The following SPAG5 variants were observed in gnomAD, a reference collection of about 807,000 sequenced individuals.
SPAG5 encodes sperm-associated antigen 5.
SPAG5 carries 99 observed loss-of-function variants against 145.4 expected under a neutral mutation model. That is an observed-to-expected ratio of 0.68 (90% CI 0.58 to 0.80). The LOEUF (loss-of-function observed/expected upper bound fraction) is 0.80, where lower values mean the gene tolerates loss of function less well. Ranked by LOEUF, SPAG5 falls within the 30% of genes least tolerant of loss-of-function variation. SPAG5 has a pLI of 0.00. For missense variants in SPAG5, 1,192 were observed against 1,416.0 expected, an observed-to-expected ratio of 0.84 and a Z score of 2.54; for synonymous variants, 477 against 525.4, an observed-to-expected ratio of 0.91 and a Z score of 1.26.
At chr17:28,598,206 G>C (rs1301166432) in intron 2 of SPAG5, among the ~76,000 whole-genome samples, 1 of 152,146 alleles carries the variant, frequency 6.6e-6, no homozygotes, top group African/African-American at 2.4e-5. Flanking sequence ...CTTTCCGTAA[G>C]TGACCCCATG....
At chr17:28,598,757 G>A in intron 1 of SPAG5, 122 bp from the exon 2 acceptor site, 2 of 1,506,718 alleles carry the variant, frequency 1.3e-6, no homozygotes, top group Admixed American at 1.8e-5. Context: ...CCCTAGTCGC[G>A]CAGGAGCAGC....
intron 4 of SPAG5, among the ~76,000 whole-genome samples, chr17:28,588,995 T>TA (rs1196306480): frequency 6.6e-6 from 1 of 152,164 alleles, no homozygotes; most frequent in Non-Finnish European, 1.5e-5. Context: ...AGTGGTCTTT[T>TA]AGCTACTTTC....
At chr17:28,595,640 TG>T (rs1281234385) in intron 2 of SPAG5, among the ~76,000 whole-genome samples, 3 of 151,626 alleles carry the variant, frequency 2.0e-5, no homozygotes, top group Non-Finnish European at 4.4e-5. Flanking sequence ...TCCCAGCTAC[TG>T]GGGAGGCTGA....
At chr17:28,593,758 C>T (rs538284045) in intron 2 of SPAG5, among the ~76,000 whole-genome samples, 1 of 151,810 alleles carries the variant, frequency 6.6e-6, no homozygotes. Flanking sequence ...AAAAGGTAGA[C>T]CCTAACAAAA....
intron 19 of SPAG5, 53 bp from the exon 20 acceptor site, chr17:28,578,805 C>A: frequency 7.0e-7 from 1 of 1,433,130 alleles, no homozygotes. Flanking sequence ...CTCTTCACAG[C>A]CCTTGCCAGG....
chr17:28,581,443 C>T (rs567175850), intron 15 of SPAG5, among the ~76,000 whole-genome samples: 2 of 151,184 alleles, frequency 1.3e-5, no homozygotes, highest in South Asian at 2.1e-4. Context: ...TGTGCCCTTT[C>T]GACCCTTTCC....
intron 2 of SPAG5, among the ~76,000 whole-genome samples, chr17:28,595,748 CA>C (rs1030720304): frequency 7.8e-4 from 92 of 118,028 alleles, no homozygotes; most frequent in Middle Eastern, 6.7e-3. Context: ...GATCCTGTCT[CA>C]AAAAAAAAAA....
At chr17:28,593,577 G>GCC (rs2070639663) in intron 2 of SPAG5, among the ~76,000 whole-genome samples, 1 of 152,104 alleles carries the variant, frequency 6.6e-6, no homozygotes, top group East Asian at 1.9e-4. Context: ...CATTAGCCGG[G>GCC]CATGGTGGTG....
intron 14 of SPAG5, 55 bp from the exon 15 acceptor site, chr17:28,583,704 C>T: frequency 3.2e-6 from 5 of 1,558,574 alleles, no homozygotes; most frequent in Non-Finnish European, 3.5e-6. Context: ...CTCTGAACGC[C>T]TATCCCAAAT....
At chr17:28,579,628 A>G (rs1316205829) in intron 17 of SPAG5, 123 bp downstream of exon 17, 18 of 1,387,324 alleles carry the variant, frequency 1.3e-5, no homozygotes, top group Non-Finnish European at 1.7e-5. Context: ...CAGAAGGCAG[A>G]AATAAAATGA....
rs1236775619 is a variant in SPAG5 at position 28,586,003 on chromosome 17, A to G, written c.1606-5T>C. On this transcript the variant is annotated splice_region_variant and splice_polypyrimidine_tract_variant and intron_variant, in intron 6 of 23. Coordinates refer to ENST00000321765, the MANE Select transcript of SPAG5 (RefSeq NM_006461.4). ...CAATGTTTCTGCACGCCGAGACTAT[A>G]TGGTAAGAATCAGTTAATGTGTCTG... The G allele has an allele frequency of 6.2e-7, 1 of 1,614,176 alleles. No individual in the cohort carries two copies.
At position 28,592,888 on chromosome 17, in the gene SPAG5, A is replaced by G; in HGVS notation, c.356T>C (p.Val119Ala). The G allele has an allele frequency of 1.9e-6, 3 of 1,614,190 alleles. No individual in the cohort carries two copies. The highest frequency in any genetic ancestry group is 2.5e-6 in the Non-Finnish European group (3 of 1,180,004). Residue 119 changes from valine to alanine, a missense_variant, in exon 3 of 24, where the codon GTA (valine) becomes GCA (alanine). Coordinates refer to ENST00000321765, the MANE Select transcript of SPAG5 (RefSeq NM_006461.4). ...AACCATATAATTGCCCAGTGGGTCT[A>G]CTGCTTCCTCAGACGTTTTAGGAGT... is the stretch of plus-strand genomic sequence containing the variant. ...SSTPKTSEEA[V>A]DPLGNYMVKT...
intron 4 of SPAG5, 24 bp from the exon 5 acceptor site, chr17:28,586,523 C>T (rs1567625047): frequency 5.0e-6 from 8 of 1,591,648 alleles, no homozygotes; most frequent in Non-Finnish European, 6.9e-6. Context: ...CAGAGTTGTT[C>T]CTTGTTTTGT....
chr17:28,586,214 A>G, intron 5 of SPAG5, 32 bp from the exon 6 acceptor site: 1 of 1,569,684 alleles, frequency 6.4e-7, no homozygotes, highest in Non-Finnish European at 8.8e-7. Context: ...GGTGAGATCA[A>G]ATAAAGTCAC....
chr17:28,586,427 T>C lies in SPAG5; in HGVS notation c.1510A>G (p.Met504Val). ...GQALQQARNV[M>V]QSWVLISKEL... is the part of the protein sequence containing the mutation. ...GTGTAAGGTCAATCATCACTTACCA[T>C]GACATTTCTGGCCTGCTGTAGGGCC... is the stretch of plus-strand genomic sequence containing the variant. Residue 504 changes from methionine to valine, a missense_variant and splice_region_variant, in exon 5 of 24, where the codon ATG becomes GTG. Around this residue, in one of 5 missense-constraint regions of SPAG5, gnomAD observed 709 missense variants for 840.7 expected, o/e 0.84. Transcript: ENST00000321765. 6.2e-7 allele frequency: 1 copy of C among 1,610,734 alleles called. No individual in the cohort carries two copies. The highest frequency in any genetic ancestry group is 8.5e-7 in the Non-Finnish European group (1 of 1,176,790).
At chr17:28,580,839 A>G (rs1011975037) in intron 15 of SPAG5, 1 of 152,206 alleles carries the variant, frequency 6.6e-6, no homozygotes, top group Non-Finnish European at 1.5e-5. Context: ...TCCCTTCCAC[A>G]TGAATGACTC....
chr17:28,586,580 G>A (rs576955051), intron 4 of SPAG5, 81 bp from the exon 5 acceptor site: 4 of 1,124,876 alleles, frequency 3.6e-6, no homozygotes, highest in Non-Finnish European at 5.3e-6. Context: ...CATCCAGACT[G>A]GAGTGCAGTG....
chr17:28,587,771 TAGAG>T (rs1321174333), intron 4 of SPAG5, among the ~76,000 whole-genome samples: 1 of 142,340 alleles, frequency 7.0e-6, no homozygotes, highest in Admixed American at 7.0e-5. Context: ...TGCAGATAAA[TAGAG>T]TATGCTTACC....
chr17:28,578,213 C>A lies in SPAG5; in HGVS notation c.3429+5G>T, dbSNP rs1261927471. 4.3e-6 allele frequency: 7 copies of A among 1,614,174 alleles called. No individual in the cohort carries two copies. In the South Asian group the frequency reaches 6.6e-5, roughly 15 times the overall value. On this transcript the variant is annotated splice_donor_5th_base_variant and intron_variant, in intron 22 of 23. Coordinates refer to ENST00000321765, the MANE Select transcript of SPAG5 (RefSeq NM_006461.4). ...ATGGCCCTGGAATGGCATGGACATT[C>A]TTACATGGCTCTGGAACTTGATCAT...
Sources: allele counts gnomAD v4.1 joint callset (sites outside exome capture counted in the v4.1 genomes callset), GRCh38; gene constraint gnomAD v4.1.1; regional missense constraint gnomAD v4.1.1; transcripts MANE v1.5; gene names NCBI Gene and HGNC (gene_info 2026-07-23, HGNC 2026-07-21).